The following FEZ2 variants were observed in gnomAD, a reference collection of about 807,000 sequenced individuals.
FEZ2 encodes the protein fasciculation and elongation protein zeta-2.
In FEZ2, 51 loss-of-function variants were observed where a neutral mutation model predicts 40.4. The ratio of observed to expected loss-of-function variants is 1.26; its 90% CI spans 1.01 to 1.59. The LOEUF (loss-of-function observed/expected upper bound fraction) is 1.59, where lower values mean the gene tolerates loss of function less well. FEZ2 is among the 40% of genes most tolerant of loss of function. FEZ2 has a pLI of 0.00. For synonymous variants in FEZ2, 242 were observed against 172.0 expected, an observed-to-expected ratio of 1.41 and a Z score of -3.18; for missense variants, 640 against 438.3, an observed-to-expected ratio of 1.46 and a Z score of -4.11.
intron 2 of FEZ2, 74 bp downstream of exon 2, chr2:36,590,829 G>A: frequency 3.4e-6 from 3 of 891,288 alleles, no homozygotes; most frequent in East Asian, 2.5e-5. Context: ...TCTGTGTTAA[G>A]CAGAAATGCT....
chr2:36,564,434 C>G (rs1254997580), intron 5 of FEZ2, among the ~76,000 whole-genome samples: 1 of 152,174 alleles, frequency 6.6e-6, no homozygotes, highest in African/African-American at 2.4e-5. Flanking sequence ...GAGCCAGATA[C>G]CATTCCAGGT....
At chr2:36,581,141 C>T (rs1218069936) in intron 4 of FEZ2, 149 bp downstream of exon 4, 1 of 776,046 alleles carries the variant, frequency 1.3e-6, no homozygotes, top group Non-Finnish European at 2.1e-6. Flanking sequence ...AAAGTGAAAT[C>T]CCGTCTCAAC....
chr2:36,567,819 A>G (rs960077956), intron 5 of FEZ2, among the ~76,000 whole-genome samples: 1 of 152,076 alleles, frequency 6.6e-6, no homozygotes. Context: ...AGTAGCAAGT[A>G]GGAGATCAGT....
chr2:36,561,839 C>T (rs1479797508), intron 5 of FEZ2, among the ~76,000 whole-genome samples: 1 of 152,058 alleles, frequency 6.6e-6, no homozygotes, highest in Non-Finnish European at 1.5e-5. Context: ...AATATTTTAC[C>T]AGGCCCCAAG....
At chr2:36,575,678 T>G (rs1394765094) in intron 5 of FEZ2, among the ~76,000 whole-genome samples, 1 of 152,302 alleles carries the variant, frequency 6.6e-6, no homozygotes, top group Non-Finnish European at 1.5e-5. Flanking sequence ...TCTAATGAAA[T>G]TTTCCAATGC....
intron 5 of FEZ2, among the ~76,000 whole-genome samples, chr2:36,566,460 A>G (rs1668242499): frequency 6.6e-6 from 1 of 152,188 alleles, no homozygotes; most frequent in Non-Finnish European, 1.5e-5. Context: ...CATAAATTCA[A>G]CTCAAGTTCT....
At chr2:36,567,211 G>C (rs1394437878) in intron 5 of FEZ2, among the ~76,000 whole-genome samples, 1 of 151,880 alleles carries the variant, frequency 6.6e-6, no homozygotes, top group Non-Finnish European at 1.5e-5. Context: ...GAGCCTTAGA[G>C]CCTATGATCG....
intron 2 of FEZ2, among the ~76,000 whole-genome samples, chr2:36,588,896 G>A (rs145616041): frequency 3.3e-5 from 5 of 151,806 alleles, no homozygotes; most frequent in East Asian, 3.9e-4. Context: ...TCTCACTCAC[G>A]CTGCTAATGG....
At chr2:36,569,437 A>T (rs1251915596) in intron 5 of FEZ2, among the ~76,000 whole-genome samples, 11 of 152,348 alleles carry the variant, frequency 7.2e-5, no homozygotes, top group African/African-American at 2.4e-4. Flanking sequence ...ACATAAAGAG[A>T]CATTACTATC....
At chr2:36,584,964 T>G (rs529689392) in intron 2 of FEZ2, among the ~76,000 whole-genome samples, 15 of 152,306 alleles carry the variant, frequency 9.8e-5, no homozygotes, top group Non-Finnish European at 1.8e-4. Flanking sequence ...TCCAGGCTCC[T>G]GCGCAGTGAC....
rs79292264 is a variant in FEZ2 at position 36,592,352 on chromosome 2, T to G, written c.267-1341A>C. On this transcript the variant is annotated intron_variant, in intron 1 of 7. Transcript: ENST00000405912. ...ACAGGCAAACATGTGCCATGGTGAT[T>G]TGCTGCACCTATCAACCCATCACCT... 0.018 allele frequency among the ~76,000 whole-genome samples: 2,719 copies of G among 152,210 alleles called. 436 individuals carry two copies. In the East Asian group the frequency reaches 0.41, roughly 23 times the overall value.
intron 4 of FEZ2, among the ~76,000 whole-genome samples, chr2:36,580,507 G>C (rs776085908): frequency 6.6e-6 from 1 of 152,158 alleles, no homozygotes; most frequent in African/African-American, 2.4e-5. Flanking sequence ...TCACAGGCTG[G>C]TTATATTTAT....
In FEZ2 at chr2:36,583,377, A is replaced by G. The variant is rs772834464; in HGVS notation, c.468T>C (p.Asp156=). The change falls in exon 3 of 8, where the codon GAT becomes GAC. Residue 156 remains aspartate (D), a synonymous_variant. Coordinates refer to ENST00000405912, the MANE Select transcript of FEZ2 (RefSeq NM_005102.3). ...CCTGGTCTGCCGTGAAGAGGGGTTC[A>G]TCATTAACACAGGAGACGATGATTG... The part of the protein sequence containing the change: ...MHSIIVSCVN[D]EPLFTADQVI... The G allele has an allele frequency of 2.5e-6, 4 of 1,592,708 alleles. No homozygotes were observed. The highest frequency in any genetic ancestry group is 3.4e-6 in the Non-Finnish European group (4 of 1,160,710).
chr2:36,586,269 T>C (rs1371080479), intron 2 of FEZ2, among the ~76,000 whole-genome samples: 2 of 152,318 alleles, frequency 1.3e-5, no homozygotes, highest in African/African-American at 2.4e-5. Flanking sequence ...TCTTCCTATG[T>C]TGCAACTTGA....
At chr2:36,568,182 AG>A (rs1460474414) in intron 5 of FEZ2, among the ~76,000 whole-genome samples, 1 of 147,794 alleles carries the variant, frequency 6.8e-6, no homozygotes, top group Non-Finnish European at 1.5e-5. Context: ...CAGAAGGGGT[AG>A]GGGAGGAGGG....
intron 5 of FEZ2, among the ~76,000 whole-genome samples, chr2:36,560,472 G>A (rs1668065014): frequency 6.6e-6 from 1 of 152,104 alleles, no homozygotes; most frequent in African/African-American, 2.4e-5. Context: ...ATTTTCACAA[G>A]CAGATTTTCT....
chr2:36,591,054 G>A, intron 1 of FEZ2, 43 bp from the exon 2 acceptor site: 1 of 1,193,240 alleles, frequency 8.4e-7, no homozygotes, highest in Non-Finnish European at 1.2e-6. Context: ...TTAACATTCT[G>A]TATGTCTTTC....
At chr2:36,579,070 T>A in intron 4 of FEZ2, 1 of 502,014 alleles carries the variant, frequency 2.0e-6, no homozygotes, top group Non-Finnish European at 3.5e-6. Flanking sequence ...TAGAGGTAAG[T>A]GGGCAGGTGA....
chr2:36,581,199 G>A (rs1668732014), intron 4 of FEZ2, 91 bp downstream of exon 4: 2 of 1,161,734 alleles, frequency 1.7e-6, no homozygotes, highest in South Asian at 1.5e-5. Context: ...ACAGAAGGAG[G>A]ATGAAATCAA....
Sources: gnomAD v4.1 joint callset for allele counts (sites outside exome capture counted in the v4.1 genomes callset) on GRCh38, gnomAD v4.1.1 for gene constraint, MANE v1.5 for transcripts, NCBI Gene and HGNC (gene_info 2026-07-23, HGNC 2026-07-21) for gene names.